The following STX8 variants were observed in gnomAD, a reference collection of about 807,000 sequenced individuals.
STX8 encodes the protein syntaxin 8, also known as syntaxin-8.
STX8 carries 23 observed loss-of-function variants against 37.5 expected under a neutral mutation model. That is an observed-to-expected ratio of 0.61 (90% confidence interval 0.44 to 0.87). The LOEUF (loss-of-function observed/expected upper bound fraction) is 0.87, where lower values mean the gene tolerates loss of function less well. STX8 is among the 40% of genes least tolerant of loss of function. The pLI is 0.00. For synonymous variants in STX8, 115 were observed against 99.1 expected, an observed-to-expected ratio of 1.16 and a Z score of -0.95; for missense variants, 313 against 284.7, an observed-to-expected ratio of 1.10 and a Z score of -0.71.
At chr17:9,554,969 G>C (rs944843645) in intron 3 of STX8, 1 of 152,012 alleles carries the variant, frequency 6.6e-6, no homozygotes, top group African/African-American at 2.4e-5. Context: ...CGCCCTCATG[G>C]GGTGGATTAG....
At chr17:9,456,770 T>A (rs1300908730) in intron 6 of STX8, among the ~76,000 whole-genome samples, 1 of 152,188 alleles carries the variant, frequency 6.6e-6, no homozygotes, top group South Asian at 2.1e-4. Flanking sequence ...AAATAATTTA[T>A]CCATCTTTCC....
At chr17:9,290,934 G>A (rs762415131) in intron 7 of STX8, among the ~76,000 whole-genome samples, 9 of 152,060 alleles carry the variant, frequency 5.9e-5, no homozygotes, top group African/African-American at 2.2e-4. Flanking sequence ...GGGGGTTTCC[G>A]CACTACCTAA....
rs939880585 is a variant in STX8 at position 9,314,395 on chromosome 17, TTTTTG to T, written c.644-63755_644-63751del. On this transcript the variant is annotated intron_variant, in intron 7 of 7. Coordinates refer to ENST00000306357, the MANE Select transcript of STX8 (RefSeq NM_004853.3). ...TGGGAATATATATTTTATATCTGTT[TTTTTG>T]TTTTGTTTTGTTTTTGAGACGGAGT... Among the ~76,000 whole-genome samples the T allele has an allele frequency of 7.9e-4, 120 of 152,224 alleles. 1 individual carries two copies. Among genetic ancestry groups the T allele is most frequent in the Non-Finnish European group, 2.8e-4 (19 of 68,026 alleles).
chr17:9,344,529 G>A (rs1910472024), intron 7 of STX8, among the ~76,000 whole-genome samples: 2 of 152,098 alleles, frequency 1.3e-5, no homozygotes, highest in Admixed American at 6.6e-5. Context: ...CCAAAGTGCT[G>A]GGATTACAGG....
intron 6 of STX8, among the ~76,000 whole-genome samples, chr17:9,428,153 T>C (rs7208901): frequency 0.5 from 75,654 of 151,704 alleles, 19,467 homozygotes; most frequent in African/African-American, 0.6. Flanking sequence ...CAGGGGGTAG[T>C]CATCCTGTGA....
intron 7 of STX8, among the ~76,000 whole-genome samples, chr17:9,257,975 C>T (rs572046599): frequency 3.3e-5 from 5 of 152,238 alleles, no homozygotes; most frequent in Admixed American, 6.5e-5. Flanking sequence ...GGTGACAGAG[C>T]GAGATTTTGT....
At chr17:9,329,998 AAGGTGTGCAGGCCCCTTGCTCAGAG>A (rs1377149232) in intron 7 of STX8, among the ~76,000 whole-genome samples, 3 of 151,992 alleles carry the variant, frequency 2.0e-5, no homozygotes, top group Non-Finnish European at 4.4e-5. Flanking sequence ...GAGGAAGGTG[AAGGTGTGCAGGCCCCTTGCTCAGAG>A]GGGAGCAGAG....
At chr17:9,302,284 GTTTT>G (rs928598540) in intron 7 of STX8, among the ~76,000 whole-genome samples, 5 of 151,514 alleles carry the variant, frequency 3.3e-5, no homozygotes, top group Non-Finnish European at 5.9e-5. Context: ...TGGTGGTTTT[GTTTT>G]TTTTCTTTTT....
At chr17:9,447,167 C>T (rs1904879775) in intron 6 of STX8, among the ~76,000 whole-genome samples, 1 of 152,134 alleles carries the variant, frequency 6.6e-6, no homozygotes, top group South Asian at 2.1e-4. Context: ...ATTATATTGG[C>T]AGTCAATCTA....
chr17:9,321,520 C>CTTAT (rs201618551), intron 7 of STX8, among the ~76,000 whole-genome samples: 5 of 151,480 alleles, frequency 3.3e-5, no homozygotes, highest in Non-Finnish European at 5.9e-5. Context: ...AAATATACTA[C>CTTAT]TTATTTATTT....
intron 2 of STX8, among the ~76,000 whole-genome samples, chr17:9,559,760 A>ATACATATATTTTTT: frequency 4.1e-5 from 1 of 24,492 alleles, no homozygotes; most frequent in Non-Finnish European, 6.2e-5. Flanking sequence ...ATATATATAT[A>ATACATATATTTTTT]TTTTTTTTTT....
rs773293848 is a variant in STX8 at position 9,505,070 on chromosome 17, T to A, written c.416A>T (p.Glu139Val). 5.6e-6 allele frequency: 9 copies of A among 1,613,742 alleles called. No homozygotes were observed. The highest frequency in any genetic ancestry group is 1.7e-6 in the Non-Finnish European group (2 of 1,179,872). ...PEETRGLGFD[E>V]IRQQQQKIIQ... ...AATTTTCTGCTGCTGTTGCCGGATT[T>A]CATCAAAACCCAAGCCTCTGGTCTC... Residue 139 changes from glutamate (E) to valine (V), a missense_variant, in exon 5 of 8, where the codon GAA becomes GTA. Coordinates refer to ENST00000306357, the MANE Select transcript of STX8 (RefSeq NM_004853.3).
At chr17:9,290,010 A>G (rs1908259930) in intron 7 of STX8, among the ~76,000 whole-genome samples, 1 of 152,212 alleles carries the variant, frequency 6.6e-6, no homozygotes, top group Non-Finnish European at 1.5e-5. Flanking sequence ...GTGTGGGCGG[A>G]CAATGAAAGA....
At chr17:9,425,483 G>A (rs1567554585) in intron 6 of STX8, among the ~76,000 whole-genome samples, 1 of 152,150 alleles carries the variant, frequency 6.6e-6, no homozygotes, top group Non-Finnish European at 1.5e-5. Context: ...GAAGCAAGGT[G>A]GGGGCACTCC....
At chr17:9,402,759 T>C (rs1175528783) in intron 6 of STX8, among the ~76,000 whole-genome samples, 1 of 152,158 alleles carries the variant, frequency 6.6e-6, no homozygotes, top group Non-Finnish European at 1.5e-5. Flanking sequence ...GCAGTGAGCA[T>C]GATGCTAAAC....
intron 7 of STX8, among the ~76,000 whole-genome samples, chr17:9,374,729 AAGAAATAAC>A (rs1911526172): frequency 6.6e-6 from 1 of 152,206 alleles, no homozygotes; most frequent in Non-Finnish European, 1.5e-5. Context: ...AAAAGAATTG[AAGAAATAAC>A]AGAAATAATG....
At chr17:9,545,870 C>T (rs1906487039) in intron 3 of STX8, among the ~76,000 whole-genome samples, 1 of 152,218 alleles carries the variant, frequency 6.6e-6, no homozygotes, top group Non-Finnish European at 1.5e-5. Flanking sequence ...GCGTGAGTCA[C>T]CACGCCCAGC....
At chr17:9,387,194 T>C (rs1299327869) in intron 6 of STX8, among the ~76,000 whole-genome samples, 1 of 152,236 alleles carries the variant, frequency 6.6e-6, no homozygotes, top group Admixed American at 6.5e-5. Flanking sequence ...ATAGTATTCT[T>C]CCTAAAAACG....
Position 9,525,834 on chromosome 17 carries a change from T to C in STX8, c.323+19338A>G, listed in dbSNP as rs1023659607. On this transcript the variant is annotated intron_variant, in intron 4 of 7. Coordinates refer to ENST00000306357, the MANE Select transcript of STX8 (RefSeq NM_004853.3). ...GAGTGCTATCGTTCATTAATGTCTA[T>C]AGAACACTTTCCAGTTTACAAAGAG... Among the ~76,000 whole-genome samples the C allele has an allele frequency of 3.9e-5, 6 of 152,238 alleles. No homozygotes were observed. In the East Asian group the frequency reaches 9.6e-4, roughly 24 times the overall value.
Sources: gnomAD v4.1 joint callset for allele counts (sites outside exome capture counted in the v4.1 genomes callset) on GRCh38, gnomAD v4.1.1 for gene constraint, MANE v1.5 for transcripts, NCBI Gene and HGNC (gene_info 2026-07-23, HGNC 2026-07-21) for gene names.